OSBPL8: variants seen among roughly 807,000 people sequenced by gnomAD.
The protein encoded by OSBPL8 is oxysterol binding protein like 8.
In OSBPL8, 59 loss-of-function variants were observed where a neutral mutation model predicts 125.5. That is an observed-to-expected ratio of 0.47 (90% CI 0.38 to 0.58). The LOEUF (loss-of-function observed/expected upper bound fraction) is 0.58. OSBPL8 is among the 20% of genes least tolerant of loss of function. OSBPL8 has a pLI of 0.00. For missense variants in OSBPL8, 758 were observed against 1,047.8 expected (o/e 0.72, Z 3.82); for synonymous variants, 330 against 338.9 (o/e 0.97, Z 0.29).
At chr12:76,494,523 A>G (rs980649344) in intron 1 of OSBPL8, among the ~76,000 whole-genome samples, 6 of 152,222 alleles carry the variant, frequency 3.9e-5, no homozygotes, top group Admixed American at 1.3e-4. Flanking sequence ...AGAATGAAGA[A>G]GAGAGCTATA....
intron 4 of OSBPL8, among the ~76,000 whole-genome samples, chr12:76,436,089 T>C (rs1871406619): frequency 6.6e-6 from 1 of 151,950 alleles, no homozygotes; most frequent in African/African-American, 2.4e-5. Context: ...TGAGAGAATA[T>C]TGCTTATTCT....
chr12:76,451,501 T>C (rs1247613930), intron 3 of OSBPL8, among the ~76,000 whole-genome samples: 3 of 152,214 alleles, frequency 2.0e-5, no homozygotes, highest in Non-Finnish European at 4.4e-5. Context: ...GATAACTGTT[T>C]TAGAGAGGAG....
intron 1 of OSBPL8, among the ~76,000 whole-genome samples, chr12:76,503,561 G>A (rs558774121): frequency 9.2e-5 from 14 of 152,132 alleles, no homozygotes; most frequent in South Asian, 4.1e-4. Context: ...TTTTTGAGAC[G>A]GAGTCTCGCT....
chr12:76,549,866 T>C (rs780502372), intron 1 of OSBPL8, among the ~76,000 whole-genome samples: 7 of 152,092 alleles, frequency 4.6e-5, no homozygotes, highest in Non-Finnish European at 1.0e-4. Context: ...TCATACATAC[T>C]TCTTTTTCAA....
rs954893900 is a variant in OSBPL8 at position 76,383,010 on chromosome 12, T to C, written c.1630+1244A>G. On this transcript the variant is annotated intron_variant, in intron 15 of 23. Coordinates refer to ENST00000261183, the MANE Select transcript of OSBPL8 (RefSeq NM_020841.5). ...CATTTCTGTTTTGAATGGTTACATG[T>C]ATTAAAAGGAAAAAATAAGAAAAAA... 1.3e-5 allele frequency among the ~76,000 whole-genome samples: 2 copies of C among 152,346 alleles called. 1 individual carries two copies. Among genetic ancestry groups the C allele is most frequent in the South Asian group, 4.1e-4 (2 of 4,822 alleles).
At chr12:76,403,409 C>T (rs1954131077) in intron 5 of OSBPL8, among the ~76,000 whole-genome samples, 1 of 152,086 alleles carries the variant, frequency 6.6e-6, no homozygotes, top group South Asian at 2.1e-4. Flanking sequence ...GAAAAATAGG[C>T]ACAACAGATT....
intron 1 of OSBPL8, among the ~76,000 whole-genome samples, chr12:76,491,550 T>C (rs1395755124): frequency 7.2e-5 from 11 of 152,218 alleles, no homozygotes; most frequent in Admixed American, 7.2e-4. Flanking sequence ...GAGACTACTC[T>C]GACTTTCAAT....
At chr12:76,491,634 A>G (rs1448950670) in intron 1 of OSBPL8, among the ~76,000 whole-genome samples, 1 of 152,196 alleles carries the variant, frequency 6.6e-6, no homozygotes, top group Non-Finnish European at 1.5e-5. Context: ...CCATGAGCCA[A>G]TTCTCTTCAA....
intron 1 of OSBPL8, among the ~76,000 whole-genome samples, chr12:76,525,897 G>C (rs1011055190): frequency 6.6e-6 from 1 of 152,178 alleles, no homozygotes; most frequent in African/African-American, 2.4e-5. Context: ...TAGTATTTTT[G>C]AATACCTACT....
chr12:76,436,268 G>A (rs1871431102), intron 4 of OSBPL8, among the ~76,000 whole-genome samples: 1 of 152,006 alleles, frequency 6.6e-6, no homozygotes, highest in African/African-American at 2.4e-5. Context: ...CCTGAATGAT[G>A]AGCCTAACAT....
rs768519153 is a variant in OSBPL8, at chr12:76,386,234, G to A, written c.1467C>T (p.Gly489=). 3.7e-6 allele frequency: 6 copies of A among 1,607,444 alleles called. No individual in the cohort carries two copies. In the African/African-American group the frequency reaches 4.1e-5, roughly 11 times the overall value. ...GAATCCATAAACAACGGAAAGTCTC[G>A]CCAAGTATAGGATTATAAGGTTTCT... ...GLKKPYNPIL[G]ETFRCLWIHP... is the part of the protein sequence containing the mutation. The change falls in exon 14 of 24, where the codon GGC becomes GGT. Residue 489 remains glycine, a synonymous_variant. Transcript: ENST00000261183.
intron 7 of OSBPL8, among the ~76,000 whole-genome samples, chr12:76,399,228 T>C (rs1351799600): frequency 6.6e-6 from 1 of 151,668 alleles, no homozygotes; most frequent in African/African-American, 2.4e-5. Context: ...CAAAAGTGGG[T>C]TGGGGTGATT....
chr12:76,482,693 C>T (rs1246339598), intron 2 of OSBPL8, among the ~76,000 whole-genome samples: 1 of 152,096 alleles, frequency 6.6e-6, no homozygotes, highest in African/African-American at 2.4e-5. Flanking sequence ...AAAGATATTT[C>T]ACTTCTTTAG....
At chr12:76,467,624 A>AT (rs1457176487) in intron 2 of OSBPL8, among the ~76,000 whole-genome samples, 15 of 151,316 alleles carry the variant, frequency 9.9e-5, no homozygotes, top group South Asian at 4.2e-4. Flanking sequence ...TTAAATTCTG[A>AT]TTTTTTTGCC....
At chr12:76,363,620 C>T (rs1339596698) in intron 21 of OSBPL8, among the ~76,000 whole-genome samples, 1 of 152,138 alleles carries the variant, frequency 6.6e-6, no homozygotes, top group Non-Finnish European at 1.5e-5. Flanking sequence ...ATGACTAAAA[C>T]ACCAAAAGCA....
chr12:76,357,551 C>T (rs1025923925), intron 22 of OSBPL8, among the ~76,000 whole-genome samples: 2 of 152,198 alleles, frequency 1.3e-5, no homozygotes, highest in African/African-American at 2.4e-5. Context: ...TTCTAACACA[C>T]TGGTATGCCA....
intron 2 of OSBPL8, among the ~76,000 whole-genome samples, chr12:76,473,860 G>T (rs572358963): frequency 6.6e-6 from 1 of 152,316 alleles, no homozygotes; most frequent in East Asian, 1.9e-4. Flanking sequence ...CTTACTAGAT[G>T]TGTGTCCTTG....
At chr12:76,489,757 G>GT (rs1226913330) in intron 1 of OSBPL8, among the ~76,000 whole-genome samples, 1 of 152,184 alleles carries the variant, frequency 6.6e-6, no homozygotes, top group Non-Finnish European at 1.5e-5. Context: ...GAATCAGGGA[G>GT]TAATTTTAAC....
At chr12:76,435,155 C>CGTGTGTGTGTGTGTGTGT (rs71082308) in intron 4 of OSBPL8, among the ~76,000 whole-genome samples, 2 of 146,450 alleles carry the variant, frequency 1.4e-5, no homozygotes, top group African/African-American at 5.0e-5. Flanking sequence ...TATATATCTA[C>CGTGTGTGTGTGTGTGTGT]GTGTGTGTGT....
Sources: gnomAD v4.1 joint callset for allele counts (sites outside exome capture counted in the v4.1 genomes callset) on GRCh38, gnomAD v4.1.1 for gene constraint, MANE v1.5 for transcripts, NCBI Gene and HGNC (gene_info 2026-07-23, HGNC 2026-07-21) for gene names.